The following BTBD9 variants were observed in gnomAD, a reference collection of about 807,000 sequenced individuals.
BTBD9 encodes BTB/POZ domain-containing protein 9.
A neutral mutation model predicts 64.3 loss-of-function variants in BTBD9; 49 were observed. The ratio of observed to expected loss-of-function variants is 0.76; its 90% confidence interval spans 0.61 to 0.97. The LOEUF (loss-of-function observed/expected upper bound fraction) is 0.97. Ranked by LOEUF, BTBD9 falls within the 50% of genes least tolerant of loss-of-function variation. BTBD9 has a pLI of 0.00. For missense variants in BTBD9, 598 were observed against 762.1 expected (o/e 0.78, Z 2.53); for synonymous variants, 260 against 274.7 (o/e 0.95, Z 0.53).
At chr6:38,564,658 G>A (rs772503619) in intron 6 of BTBD9, among the ~76,000 whole-genome samples, 2 of 152,252 alleles carry the variant, frequency 1.3e-5, no homozygotes, top group East Asian at 3.9e-4. Flanking sequence ...GGAGGCCAAG[G>A]TGGGCGAATC....
intron 7 of BTBD9, among the ~76,000 whole-genome samples, chr6:38,300,699 A>G (rs1438716020): frequency 6.6e-6 from 1 of 152,200 alleles, no homozygotes; most frequent in Non-Finnish European, 1.5e-5. Flanking sequence ...TGATTTTTGC[A>G]CATTGATTTT....
chr6:38,235,848 C>A (rs777876793), intron 9 of BTBD9, among the ~76,000 whole-genome samples: 1 of 152,164 alleles, frequency 6.6e-6, no homozygotes, highest in Non-Finnish European at 1.5e-5. Flanking sequence ...GCATATGAAT[C>A]CCTTCTCAGA....
chr6:38,381,985 TA>T (rs2127615429), intron 6 of BTBD9, among the ~76,000 whole-genome samples: 1 of 152,216 alleles, frequency 6.6e-6, no homozygotes, highest in South Asian at 2.1e-4. Flanking sequence ...TCACTAAAAA[TA>T]GTGTAGTAAG....
chr6:38,583,533 G>A (rs1016678265), intron 4 of BTBD9, among the ~76,000 whole-genome samples: 5 of 151,974 alleles, frequency 3.3e-5, no homozygotes, highest in Non-Finnish European at 5.9e-5. Context: ...GGCCAAAGAC[G>A]GGAACATCAA....
intron 7 of BTBD9, among the ~76,000 whole-genome samples, chr6:38,312,794 T>C (rs1446217086): frequency 1.3e-5 from 2 of 152,242 alleles, no homozygotes. Flanking sequence ...CACCATCCTC[T>C]TTTGGTTACC....
At chr6:38,422,696 A>T (rs1032524988) in intron 6 of BTBD9, among the ~76,000 whole-genome samples, 5 of 152,198 alleles carry the variant, frequency 3.3e-5, no homozygotes, top group Non-Finnish European at 5.9e-5. Flanking sequence ...ATCTCCATTT[A>T]AAAAACTTTC....
At chr6:38,207,766 A>C (rs1762708119) in intron 9 of BTBD9, among the ~76,000 whole-genome samples, 1 of 152,232 alleles carries the variant, frequency 6.6e-6, no homozygotes, top group East Asian at 1.9e-4. Context: ...GAAACATTTC[A>C]GTCTACAGTT....
intron 9 of BTBD9, among the ~76,000 whole-genome samples, chr6:38,218,721 G>A (rs1379559657): frequency 5.3e-5 from 8 of 152,182 alleles, no homozygotes; most frequent in Non-Finnish European, 1.0e-4. Flanking sequence ...TCACAAGAAG[G>A]ACAGCCATAC....
At chr6:38,543,598 A>T (rs1774389417) in intron 6 of BTBD9, among the ~76,000 whole-genome samples, 1 of 152,212 alleles carries the variant, frequency 6.6e-6, no homozygotes, top group African/African-American at 2.4e-5. Flanking sequence ...ATGCCATGAC[A>T]GAGTTCATTT....
intron 6 of BTBD9, among the ~76,000 whole-genome samples, chr6:38,542,577 G>A (rs1279330940): frequency 2.0e-5 from 3 of 151,970 alleles, no homozygotes; most frequent in African/African-American, 7.3e-5. Flanking sequence ...GTTCCATCTG[G>A]CCCATAGTAT....
At chr6:38,355,236 G>A (rs536720242) in intron 6 of BTBD9, among the ~76,000 whole-genome samples, 3 of 152,292 alleles carry the variant, frequency 2.0e-5, no homozygotes, top group African/African-American at 7.2e-5. Context: ...AGTAGGGGCT[G>A]AGCAGACATG....
intron 6 of BTBD9, among the ~76,000 whole-genome samples, chr6:38,469,614 C>T (rs757277492): frequency 4.6e-5 from 7 of 152,154 alleles, no homozygotes; most frequent in East Asian, 3.9e-4. Flanking sequence ...CCACCGCGCC[C>T]GGCAGGAACC....
At chr6:38,367,602 A>T (rs184568003) in intron 6 of BTBD9, among the ~76,000 whole-genome samples, 16 of 152,252 alleles carry the variant, frequency 1.1e-4, no homozygotes, top group African/African-American at 3.6e-4. Context: ...AGAGACAGAG[A>T]AAAAACCCTG....
rs1766860268 is a variant in BTBD9 at position 38,173,053 on chromosome 6, A to C, written c.*1932T>G. ...GCAGGTGATGCCCATGTTTAAAAAG[A>C]AGCATGTGAATGGCTCATTTCAAAA... On this transcript the variant is annotated 3_prime_UTR_variant, in exon 11 of 11. Transcript: ENST00000481247. 6.6e-6 allele frequency: 1 copy of C among 152,276 alleles called. No individual in the cohort carries two copies. Among genetic ancestry groups the C allele is most frequent in the Non-Finnish European group, 1.5e-5 (1 of 68,070 alleles). 9.4% of individuals were successfully genotyped at this position (152,276 alleles called of 1,614,324 possible).
chr6:38,463,757 C>T (rs1230989427), intron 6 of BTBD9, among the ~76,000 whole-genome samples: 1 of 152,162 alleles, frequency 6.6e-6, no homozygotes, highest in Non-Finnish European at 1.5e-5. Flanking sequence ...CTAGAATGGG[C>T]ATGGTGGCTC....
chr6:38,263,230 T>G (rs528584801), intron 8 of BTBD9, among the ~76,000 whole-genome samples: 1 of 152,344 alleles, frequency 6.6e-6, no homozygotes, highest in South Asian at 2.1e-4. Flanking sequence ...TCAAAAAATA[T>G]TTACTGAATA....
chr6:38,397,653 G>C (rs1486745328), intron 6 of BTBD9, among the ~76,000 whole-genome samples: 1 of 152,240 alleles, frequency 6.6e-6, no homozygotes, highest in East Asian at 1.9e-4. Context: ...GTTATTAACA[G>C]ATGCCATGTG....
At chr6:38,616,094 G>A (rs1334699581) in intron 1 of BTBD9, among the ~76,000 whole-genome samples, 1 of 152,216 alleles carries the variant, frequency 6.6e-6, no homozygotes, top group African/African-American at 2.4e-5. Context: ...AAGCTGCCAT[G>A]TTGTGAGAGG....
At chr6:38,267,880 C>T (rs1384027417) in intron 8 of BTBD9, among the ~76,000 whole-genome samples, 1 of 152,166 alleles carries the variant, frequency 6.6e-6, no homozygotes, top group Non-Finnish European at 1.5e-5. Context: ...GCAGAGCTTG[C>T]AGTGAGCCGA....
Sources: gnomAD v4.1 joint callset for allele counts (sites outside exome capture counted in the v4.1 genomes callset) on GRCh38, gnomAD v4.1.1 for gene constraint, MANE v1.5 for transcripts, NCBI Gene and HGNC (gene_info 2026-07-23, HGNC 2026-07-21) for gene names.